FBXW7: variants seen among roughly 807,000 people sequenced by gnomAD.
FBXW7 encodes the protein F-box and WD repeat domain containing 7, also known as F-box/WD repeat-containing protein 7.
A neutral mutation model predicts 86.3 loss-of-function variants in FBXW7; 11 were observed. The ratio of observed to expected loss-of-function variants is 0.13; its 90% CI spans 0.08 to 0.21. FBXW7 has a LOEUF of 0.21. Among genes scored for constraint, FBXW7 ranks in the 10% least tolerant of loss-of-function variants. FBXW7 has a pLI of 1.00. For synonymous variants in FBXW7, 313 were observed against 297.9 expected (o/e 1.05, Z -0.52); for missense variants, 488 against 847.4 (o/e 0.58, Z 5.27).
intron 2 of FBXW7, among the ~76,000 whole-genome samples, chr4:152,516,672 T>C (rs1025453008): frequency 2.0e-5 from 3 of 152,220 alleles, no homozygotes; most frequent in Non-Finnish European, 4.4e-5. Flanking sequence ...TGTAATTCAA[T>C]TTCACAAGTC....
intron 2 of FBXW7, among the ~76,000 whole-genome samples, chr4:152,428,476 T>C (rs1739579191): frequency 6.6e-6 from 1 of 152,246 alleles, no homozygotes; most frequent in Non-Finnish European, 1.5e-5. Context: ...ACCACAATAC[T>C]GTGTATTTCC....
At chr4:152,361,769 A>G (rs1578992593) in intron 4 of FBXW7, among the ~76,000 whole-genome samples, 1 of 152,212 alleles carries the variant, frequency 6.6e-6, no homozygotes. Context: ...TGAGGTGGAG[A>G]CCAGCCTGGC....
At chr4:152,460,061 A>G (rs574297810) in intron 2 of FBXW7, among the ~76,000 whole-genome samples, 1 of 152,376 alleles carries the variant, frequency 6.6e-6, no homozygotes, top group South Asian at 2.1e-4. Flanking sequence ...TGGAAAAAGT[A>G]GTAATGAACG....
At position 152,404,810 on chromosome 4, in the gene FBXW7, G is replaced by A. The variant is rs529796802; in HGVS notation, c.501+6493C>T. Among the ~76,000 whole-genome samples, 4 of 152,028 alleles carry A rather than the reference G, an allele frequency of 2.6e-5. No individual in the cohort carries two copies. The East Asian group carries it at 5.8e-4, about 22-fold the overall frequency. On this transcript the variant is annotated intron_variant, in intron 4 of 13. Coordinates refer to ENST00000281708, the MANE Select transcript of FBXW7 (RefSeq NM_001349798.2). ...AGGTACATCTTAAGAGGTGAAATGA[G>A]GCTGGGGCATGGTGGCTCATACCTG...
chr4:152,516,280 C>T (rs1748485862), intron 2 of FBXW7, among the ~76,000 whole-genome samples: 3 of 152,236 alleles, frequency 2.0e-5, no homozygotes, highest in African/African-American at 7.2e-5. Flanking sequence ...AGGTGAGCTG[C>T]AGGTGGAGTA....
intron 13 of FBXW7, chr4:152,323,627 CA>C: frequency 2.3e-5 from 4 of 174,916 alleles, no homozygotes; most frequent in Admixed American, 2.2e-4. Flanking sequence ...CTGAAAAAAA[CA>C]CTTTCTAAGG....
chr4:152,370,875 T>C (rs1258127995), intron 4 of FBXW7, among the ~76,000 whole-genome samples: 1 of 151,164 alleles, frequency 6.6e-6, no homozygotes, highest in Non-Finnish European at 1.5e-5. Context: ...ATGAAGTTTA[T>C]AAATATATAA....
At chr4:152,368,294 G>C (rs1227847012) in intron 4 of FBXW7, among the ~76,000 whole-genome samples, 1 of 152,058 alleles carries the variant, frequency 6.6e-6, no homozygotes, top group Non-Finnish European at 1.5e-5. Flanking sequence ...AGCAGAATAG[G>C]ACTTCCCTTC....
intron 2 of FBXW7, among the ~76,000 whole-genome samples, chr4:152,413,663 T>C (rs554350860): frequency 1.5e-4 from 23 of 152,226 alleles, no homozygotes; most frequent in African/African-American, 5.5e-4. Flanking sequence ...ATCACTACAA[T>C]ACTCAAAGAT....
rs1747242502 is a variant in FBXW7 at position 152,504,601 on chromosome 4, A to G, written c.-120+30340T>C. On this transcript the variant is annotated intron_variant, in intron 2 of 13. Transcript: ENST00000281708. ...CAGTTTTACCAATTTAGATGCAAAT[A>G]TTACAGAAAAATTATTTTTTGGTAC... Among the ~76,000 whole-genome samples the G allele has an allele frequency of 2.0e-5, 3 of 152,188 alleles. No individual in the cohort carries two copies. In the South Asian group the frequency reaches 6.2e-4, roughly 31 times the overall value.
chr4:152,444,690 T>C (rs1042606881), intron 2 of FBXW7, among the ~76,000 whole-genome samples: 6 of 152,174 alleles, frequency 3.9e-5, no homozygotes, highest in Non-Finnish European at 8.8e-5. Context: ...TTGTAACAAT[T>C]TGGTATAACC....
intron 2 of FBXW7, among the ~76,000 whole-genome samples, chr4:152,501,846 T>G (rs182357522): frequency 6.6e-6 from 1 of 152,316 alleles, no homozygotes; most frequent in Non-Finnish European, 1.5e-5. Flanking sequence ...ACTACTCTAG[T>G]AACATACAGG....
At chr4:152,398,666 A>G (rs1398019181) in intron 4 of FBXW7, among the ~76,000 whole-genome samples, 1 of 152,030 alleles carries the variant, frequency 6.6e-6, no homozygotes, top group Non-Finnish European at 1.5e-5. Context: ...TTCCCTAACC[A>G]TATTTTCTTT....
intron 2 of FBXW7, among the ~76,000 whole-genome samples, chr4:152,497,341 AACCAC>A (rs1431691744): frequency 7.5e-6 from 1 of 132,538 alleles, no homozygotes; most frequent in African/African-American, 3.0e-5. Context: ...AAAAAAAAAA[AACCAC>A]ACACACACAC....
intron 4 of FBXW7, among the ~76,000 whole-genome samples, chr4:152,408,744 G>C (rs887031340): frequency 1.3e-5 from 2 of 152,180 alleles, no homozygotes; most frequent in Non-Finnish European, 2.9e-5. Context: ...GGGCAGCATA[G>C]CATGTGGAAA....
chr4:152,508,960 T>C (rs1018925986), intron 2 of FBXW7, among the ~76,000 whole-genome samples: 2 of 152,204 alleles, frequency 1.3e-5, no homozygotes, highest in Non-Finnish European at 2.9e-5. Context: ...ATTTTTGCAG[T>C]ATTCTTAATC....
chr4:152,432,703 T>C (rs1295110463), intron 2 of FBXW7, among the ~76,000 whole-genome samples: 2 of 152,044 alleles, frequency 1.3e-5, no homozygotes, highest in Non-Finnish European at 2.9e-5. Context: ...TCCCAGCTAC[T>C]AAAGAGGCTG....
chr4:152,370,881 T>C (rs962631139), intron 4 of FBXW7, among the ~76,000 whole-genome samples: 2 of 151,116 alleles, frequency 1.3e-5, no homozygotes, highest in Non-Finnish European at 3.0e-5. Context: ...TTTATAAATA[T>C]ATAAACACAA....
chr4:152,386,659 T>C (rs982109688), intron 4 of FBXW7, among the ~76,000 whole-genome samples: 1 of 152,150 alleles, frequency 6.6e-6, no homozygotes, highest in Non-Finnish European at 1.5e-5. Flanking sequence ...TATGAAGCTG[T>C]AGTATCTTAG....
Sources: allele counts gnomAD v4.1 joint callset (sites outside exome capture counted in the v4.1 genomes callset), GRCh38; gene constraint gnomAD v4.1.1; transcripts MANE v1.5; gene names NCBI Gene and HGNC (gene_info 2026-07-23, HGNC 2026-07-21).